Variants in YWHAE observed in about 807,000 individuals in gnomAD.
The protein encoded by YWHAE is 14-3-3 protein epsilon.
In YWHAE, 4 loss-of-function variants were observed where a neutral mutation model predicts 30.1. The ratio of observed to expected loss-of-function variants is 0.13; its 90% CI spans 0.07 to 0.30. The LOEUF (loss-of-function observed/expected upper bound fraction) is 0.30. YWHAE is among the 10% of genes least tolerant of loss of function. The probability of loss-of-function intolerance (pLI) is 1.00; values close to 1 mark genes in which losing one functional copy is unlikely to be tolerated. For synonymous variants in YWHAE, 118 were observed against 111.8 expected, an observed-to-expected ratio of 1.06 and a Z score of -0.35; for missense variants, 121 against 315.9, an observed-to-expected ratio of 0.38 and a Z score of 4.68.
chr17:1,385,924 G>C (rs895540268), intron 1 of YWHAE, among the ~76,000 whole-genome samples: 7 of 151,768 alleles, frequency 4.6e-5, no homozygotes, highest in African/African-American at 1.5e-4. Flanking sequence ...AAAAAAGGGG[G>C]AAAAAAAGAA....
intron 1 of YWHAE, among the ~76,000 whole-genome samples, chr17:1,370,251 C>T (rs756376117): frequency 4.0e-5 from 6 of 151,320 alleles, no homozygotes; most frequent in South Asian, 2.1e-4. Flanking sequence ...CTCAGCCTCC[C>T]GAGTAGCTGG....
chr17:1,352,636 C>T (rs1245239805), intron 5 of YWHAE, among the ~76,000 whole-genome samples: 2 of 152,028 alleles, frequency 1.3e-5, no homozygotes, highest in Non-Finnish European at 2.9e-5. Flanking sequence ...AGCAATTCTC[C>T]GGCCTCAGCC....
At chr17:1,360,215 G>C (rs866504727) in intron 4 of YWHAE, among the ~76,000 whole-genome samples, 20 of 152,186 alleles carry the variant, frequency 1.3e-4, no homozygotes, top group Middle Eastern at 3.4e-3. Context: ...ACCCACCTCA[G>C]CCTCCCAAAG....
At chr17:1,364,282 A>AGT (rs1207123233) in intron 2 of YWHAE, among the ~76,000 whole-genome samples, 2 of 151,112 alleles carry the variant, frequency 1.3e-5, no homozygotes, top group Admixed American at 1.3e-4. Flanking sequence ...GCTGGAGTGC[A>AGT]GCAGTGCGAT....
intron 1 of YWHAE, among the ~76,000 whole-genome samples, chr17:1,382,759 T>A (rs971370357): frequency 2.0e-5 from 3 of 152,142 alleles, no homozygotes; most frequent in Non-Finnish European, 4.4e-5. Flanking sequence ...GTGCGGTGGC[T>A]CATACCTGTA....
intron 5 of YWHAE, among the ~76,000 whole-genome samples, chr17:1,347,245 A>C (rs914788176): frequency 1.3e-5 from 2 of 151,138 alleles, no homozygotes; most frequent in African/African-American, 4.9e-5. Flanking sequence ...AGGCAGGAGA[A>C]TGGCGTGAAC....
At chr17:1,369,752 A>G (rs2073001744) in intron 1 of YWHAE, 1 of 152,206 alleles carries the variant, frequency 6.6e-6, no homozygotes, top group Admixed American at 6.6e-5. Context: ...CTGCAAAAAA[A>G]AATATTGCAA....
rs778115299 is a variant in YWHAE at position 1,371,073 on chromosome 17, TGTGA to T, written c.65-6019_65-6016del. ...AGCTCCAGGGTGACCAAGTACTGTG[TGTGA>T]GTGTGTGGTAGTGTGTGTGTGTTTT... On this transcript the variant is annotated intron_variant, in intron 1 of 5. Coordinates refer to ENST00000264335, the MANE Select transcript of YWHAE (RefSeq NM_006761.5). 6.4e-4 allele frequency among the ~76,000 whole-genome samples: 97 copies of T among 152,078 alleles called. 1 individual carries two copies. Among genetic ancestry groups the T allele is most frequent in the Non-Finnish European group, 9.6e-4 (65 of 67,982 alleles).
At chr17:1,347,250 G>A (rs148919166) in intron 5 of YWHAE, among the ~76,000 whole-genome samples, 3,386 of 151,156 alleles carry the variant, frequency 0.022, 139 homozygotes, top group African/African-American at 0.076. Context: ...GGAGAATGGC[G>A]TGAACCCAGG....
At chr17:1,394,753 G>A (rs976594310) in intron 1 of YWHAE, among the ~76,000 whole-genome samples, 26 of 152,088 alleles carry the variant, frequency 1.7e-4, no homozygotes, top group African/African-American at 5.8e-4. Context: ...GATCACCTGA[G>A]GTCAGGAGTC....
At chr17:1,372,941 A>G (rs2073063270) in intron 1 of YWHAE, among the ~76,000 whole-genome samples, 1 of 151,926 alleles carries the variant, frequency 6.6e-6, no homozygotes, top group African/African-American at 2.4e-5. Context: ...GTCTCCAAAA[A>G]TTAATAGTAA....
intron 5 of YWHAE, 45 bp from the exon 6 acceptor site, chr17:1,345,544 T>C (rs757370157): frequency 3.8e-6 from 6 of 1,591,772 alleles, no homozygotes; most frequent in African/African-American, 1.3e-5. Context: ...TTGACTACAT[T>C]AGGCTATGGC....
At chr17:1,379,234 CAACA>C (rs1428461408) in intron 1 of YWHAE, among the ~76,000 whole-genome samples, 1 of 152,146 alleles carries the variant, frequency 6.6e-6, no homozygotes, top group Non-Finnish European at 1.5e-5. Context: ...CCTGTAATCC[CAACA>C]CTTTGGGAGG....
intron 1 of YWHAE, among the ~76,000 whole-genome samples, chr17:1,384,979 T>C (rs2073278147): frequency 6.6e-6 from 1 of 151,630 alleles, no homozygotes; most frequent in Non-Finnish European, 1.5e-5. Context: ...CCAAAGAAAT[T>C]TTTTTTAAAA....
intron 4 of YWHAE, among the ~76,000 whole-genome samples, 175 bp from the exon 5 acceptor site, chr17:1,354,522 TCTTA>T (rs1186329630): frequency 6.6e-6 from 1 of 152,192 alleles, no homozygotes; most frequent in Non-Finnish European, 1.5e-5. Flanking sequence ...GAACACTACT[TCTTA>T]CTATGCTTTA....
intron 1 of YWHAE, among the ~76,000 whole-genome samples, chr17:1,393,934 G>T (rs898419908): frequency 6.6e-6 from 1 of 152,132 alleles, no homozygotes; most frequent in Non-Finnish European, 1.5e-5. Flanking sequence ...AAAGTGAAAA[G>T]ATTTTGTCTA....
chr17:1,372,160 G>A (rs1315045679), intron 1 of YWHAE, among the ~76,000 whole-genome samples: 1 of 152,128 alleles, frequency 6.6e-6, no homozygotes, highest in African/African-American at 2.4e-5. Context: ...TTTAAGTAAT[G>A]GAGATGGCAT....
intron 1 of YWHAE, among the ~76,000 whole-genome samples, chr17:1,385,819 C>T (rs1340001337): frequency 6.6e-6 from 1 of 152,114 alleles, no homozygotes; most frequent in Non-Finnish European, 1.5e-5. Flanking sequence ...CAAAAGACTG[C>T]TATAATCCCA....
rs566935846 is a variant in YWHAE at position 1,345,289 on chromosome 17, TAAAAAAAAAA to T, written c.*148_*157del. 38 of 508,490 alleles carry T rather than the reference TAAAAAAAAAA, an allele frequency of 7.5e-5. No homozygotes were observed. Among genetic ancestry groups the T allele is most frequent in the Non-Finnish European group, 1.2e-4 (37 of 299,466 alleles). 31.5% of individuals were successfully genotyped at this position (508,490 alleles called of 1,614,324 possible). A position where few individuals can be genotyped will look rare whatever the true frequency, so the allele number is the denominator to read the frequency against. On this transcript the variant is annotated 3_prime_UTR_variant, in exon 6 of 6. Coordinates refer to ENST00000264335, the MANE Select transcript of YWHAE (RefSeq NM_006761.5). The stretch of plus-strand genomic sequence containing the variant: ...CCTTTAAGAACTTTTGAAAACTGTT[TAAAAAAAAAA>T]AAAAAAAACCAACAGGGCAGGAACC...
Sources: gnomAD v4.1 joint callset for allele counts (sites outside exome capture counted in the v4.1 genomes callset) on GRCh38, gnomAD v4.1.1 for gene constraint, MANE v1.5 for transcripts, NCBI Gene and HGNC (gene_info 2026-07-23, HGNC 2026-07-21) for gene names.